The following P3H2 variants were observed in gnomAD, a reference collection of about 807,000 sequenced individuals.
The protein encoded by P3H2 is leprecan-like 1.
A neutral mutation model predicts 87.0 loss-of-function variants in P3H2; 80 were observed. The ratio of observed to expected loss-of-function variants is 0.92; its 90% CI spans 0.77 to 1.11. The LOEUF (loss-of-function observed/expected upper bound fraction) is 1.11, where lower values mean the gene tolerates loss of function less well. P3H2 is among the 50% of genes least tolerant of loss of function. The pLI is 0.00. For synonymous variants in P3H2, 367 were observed against 359.3 expected, an observed-to-expected ratio of 1.02 and a Z score of -0.24; for missense variants, 1,001 against 923.9, an observed-to-expected ratio of 1.08 and a Z score of -1.08.
chr3:190,086,827 A>G lies in P3H2; in HGVS notation c.480+33425T>C, dbSNP rs111903356. Among the ~76,000 whole-genome samples, 907 of 152,304 alleles carry G rather than the reference A, an allele frequency of 6.0e-3. 3 individuals carry two copies. The highest frequency in any genetic ancestry group is 0.019 in the African/African-American group (781 of 41,554). On this transcript the variant is annotated intron_variant, in intron 1 of 14. Coordinates refer to ENST00000319332, the MANE Select transcript of P3H2 (RefSeq NM_018192.4). Reference sequence around the variant, plus strand: ...TTGGAAAGGGGCATTGAGAAGAGAGAAGAAATCTGAAAGACCAAGTATTTT... The same window carrying G: ...TTGGAAAGGGGCATTGAGAAGAGAGGAGAAATCTGAAAGACCAAGTATTTT...
At chr3:190,001,234 T>A (rs984631680) in intron 1 of P3H2, among the ~76,000 whole-genome samples, 20 of 152,302 alleles carry the variant, frequency 1.3e-4, no homozygotes, top group African/African-American at 3.8e-4. Flanking sequence ...GAACAACTTG[T>A]AAGGCACGTG....
intron 1 of P3H2, among the ~76,000 whole-genome samples, chr3:190,102,181 T>G (rs916999535): frequency 2.0e-5 from 3 of 152,214 alleles, no homozygotes. Context: ...GTTTTCCTGC[T>G]TACTAACATA....
chr3:190,031,064 T>C (rs1725236790), intron 1 of P3H2, among the ~76,000 whole-genome samples: 1 of 152,158 alleles, frequency 6.6e-6, no homozygotes, highest in African/African-American at 2.4e-5. Context: ...TAGATAAGGA[T>C]GGATTTCCTA....
chr3:190,119,649 G>A (rs564244181), intron 1 of P3H2, among the ~76,000 whole-genome samples: 1 of 152,272 alleles, frequency 6.6e-6, no homozygotes, highest in South Asian at 2.1e-4. Context: ...TGGATACTTT[G>A]ACTGAGACTG....
At chr3:190,082,011 T>C (rs1727060411) in intron 1 of P3H2, among the ~76,000 whole-genome samples, 1 of 152,156 alleles carries the variant, frequency 6.6e-6, no homozygotes, top group Non-Finnish European at 1.5e-5. Flanking sequence ...CCTAGCACTT[T>C]AGGAGGCCAA....
At chr3:190,120,948 G>A (rs1275704174), upstream of P3H2, 6 of 614,880 alleles carry the variant, frequency 9.8e-6, no homozygotes, top group African/African-American at 7.9e-5. Flanking sequence ...CAGCTCACAC[G>A]CTCCTCCTGC....
rs766232136 is a variant in P3H2, at chr3:189,971,957, A to T, written c.1750T>A (p.Cys584Ser). Residue 584 changes from cysteine to serine, a missense_variant, in exon 12 of 15, where the codon TGT becomes AGT. Physicochemically the swap from Cys to Ser is moderately radical, Grantham distance 112. Coordinates refer to ENST00000319332, the MANE Select transcript of P3H2 (RefSeq NM_018192.4). ...TCGTTGGCCTCTGGATCCAACAAAC[A>T]GTTGTCAGCATGGATGGGATGACTG... is the stretch of plus-strand genomic sequence containing the variant. ...DLSHPIHADN[C>S]LLDPEANECW... The T allele has an allele frequency of 6.2e-6, 10 of 1,613,970 alleles. No homozygotes were observed. The highest frequency in any genetic ancestry group is 8.5e-6 in the Non-Finnish European group (10 of 1,179,838).
chr3:189,987,466 C>G lies in P3H2; in HGVS notation c.1098+61G>C, dbSNP rs894283472. ...TGCACTCCAGCCTGGGCAACAAGAG[C>G]GAAACTCTGTCTTAAAAAAAAAAAA... is the stretch of plus-strand genomic sequence containing the variant. On this transcript the variant is annotated intron_variant, in intron 5 of 14. Transcript: ENST00000319332. 5 of 1,521,980 alleles carry G rather than the reference C, an allele frequency of 3.3e-6. No individual in the cohort carries two copies. In the African/African-American group the frequency reaches 7.2e-5, roughly 22 times the overall value. The allele number at this position is 1,521,980 out of a possible 1,614,324, so 94.3% of individuals were successfully genotyped here.
intron 1 of P3H2, among the ~76,000 whole-genome samples, chr3:190,016,181 T>G (rs996757281): frequency 3.3e-5 from 5 of 152,250 alleles, no homozygotes; most frequent in African/African-American, 1.2e-4. Context: ...CTAATTTGTT[T>G]TACCTTAATT....
intron 12 of P3H2, among the ~76,000 whole-genome samples, chr3:189,971,262 C>T (rs956935269): frequency 2.6e-5 from 4 of 152,152 alleles, no homozygotes; most frequent in Non-Finnish European, 5.9e-5. Context: ...TGTTTGTTTG[C>T]TTTGTTCTTG....
Position 190,120,868 on chromosome 3 carries a change from T to G in P3H2, c.-137A>C, listed in dbSNP as rs1480174756. ...ATCTGGCCGCTCCGCGAGCCCCAGG[T>G]GACCGCCGGCGCTCCGCGTACTGAG... On this transcript the variant is annotated 5_prime_UTR_variant, in exon 1 of 15. Transcript: ENST00000319332. The G allele has an allele frequency of 7.4e-7, 1 of 1,353,440 alleles. No individual in the cohort carries two copies. Among genetic ancestry groups the G allele is most frequent in the African/African-American group, 1.5e-5 (1 of 65,088 alleles). The allele number at this position is 1,353,440 out of a possible 1,614,324, so 83.8% of individuals were successfully genotyped here.
At chr3:190,072,825 A>C (rs1334465739) in intron 1 of P3H2, among the ~76,000 whole-genome samples, 1 of 152,208 alleles carries the variant, frequency 6.6e-6, no homozygotes, top group African/African-American at 2.4e-5. Flanking sequence ...ATACTGGAAA[A>C]TGTTATCCAT....
intron 1 of P3H2, among the ~76,000 whole-genome samples, chr3:190,007,965 C>CACACACACACACACACACAT: frequency 0.064 from 6,064 of 94,408 alleles, 300 homozygotes; most frequent in East Asian, 0.2. Context: ...TGTTGACACA[C>CACACACACACACACACACAT]ATATATATAT....
intron 1 of P3H2, among the ~76,000 whole-genome samples, chr3:190,107,456 T>C (rs990651141): frequency 6.6e-6 from 1 of 152,212 alleles, no homozygotes; most frequent in Non-Finnish European, 1.5e-5. Flanking sequence ...TAATTTTATG[T>C]ATCCTATCCC....
chr3:190,043,207 C>A (rs1027876968), intron 1 of P3H2, among the ~76,000 whole-genome samples: 2 of 152,018 alleles, frequency 1.3e-5, no homozygotes, highest in Non-Finnish European at 2.9e-5. Flanking sequence ...TTATCATATT[C>A]CTAATTATAG....
At chr3:190,033,108 C>T (rs1725308934) in intron 1 of P3H2, among the ~76,000 whole-genome samples, 1 of 152,074 alleles carries the variant, frequency 6.6e-6, no homozygotes, top group Non-Finnish European at 1.5e-5. Context: ...TTCACAATAG[C>T]GCTCGCGCTC....
chr3:190,059,696 T>C (rs1726276305), intron 1 of P3H2, among the ~76,000 whole-genome samples: 1 of 152,060 alleles, frequency 6.6e-6, no homozygotes, highest in African/African-American at 2.4e-5. Flanking sequence ...CCTGGTAGCA[T>C]CTTTAGGATA....
chr3:190,093,452 G>A (rs1727479150), intron 1 of P3H2, among the ~76,000 whole-genome samples: 1 of 152,172 alleles, frequency 6.6e-6, no homozygotes, highest in African/African-American at 2.4e-5. Flanking sequence ...AAGTTCTGCT[G>A]GATAGCTAGA....
Position 189,986,805 on chromosome 3 carries a change from AC to A in P3H2, c.1170del (p.Ser392HisfsTer24). On this transcript the variant is annotated frameshift_variant, in exon 6 of 15. Coordinates refer to ENST00000319332, the MANE Select transcript of P3H2 (RefSeq NM_018192.4). LOFTEE classifies it high-confidence loss of function. ...CCTCTTACCGGTTCAGTGTATGAAAACCCCAGACCTTCTGCAGCTGATTTTA... is the reference window on the plus strand; with the variant it reads ...CCTCTTACCGGTTCAGTGTATGAAAACCCAGACCTTCTGCAGCTGATTTTA... ...ELIKSAAEGL[G>X]FSYTEPNYWI... 1 of 1,609,514 alleles carries A rather than the reference AC, an allele frequency of 6.2e-7. No homozygotes were observed. The highest frequency in any genetic ancestry group is 1.1e-5 in the South Asian group (1 of 90,948).
Sources: gnomAD v4.1 joint callset for allele counts (sites outside exome capture counted in the v4.1 genomes callset) on GRCh38, gnomAD v4.1.1 for gene constraint, MANE v1.5 for transcripts, NCBI Gene and HGNC (gene_info 2026-07-23, HGNC 2026-07-21) for gene names.